The following KL variants were observed in gnomAD, a reference collection of about 807,000 sequenced individuals.
KL encodes alpha-klotho.
In KL, 62 loss-of-function variants were observed where a neutral mutation model predicts 84.2. That is an observed-to-expected ratio of 0.74 (90% CI 0.60 to 0.91). The LOEUF (loss-of-function observed/expected upper bound fraction) is 0.91, where lower values mean the gene tolerates loss of function less well. KL is among the 40% of genes least tolerant of loss of function. KL has a pLI of 0.00. For synonymous variants in KL, 528 were observed against 528.0 expected (o/e 1.00, Z 0.00); for missense variants, 1,261 against 1,305.7 (o/e 0.97, Z 0.53).
intron 1 of KL, among the ~76,000 whole-genome samples, chr13:33,039,832 C>T (rs1300623067): frequency 6.6e-6 from 1 of 152,074 alleles, no homozygotes; most frequent in Non-Finnish European, 1.5e-5. Flanking sequence ...CTGGCTGTAG[C>T]AAAACAGCTA....
At chr13:33,049,117 G>T (rs187301022) in intron 1 of KL, among the ~76,000 whole-genome samples, 94 of 152,194 alleles carry the variant, frequency 6.2e-4, no homozygotes, top group Middle Eastern at 6.8e-3. Flanking sequence ...GAGATAATAT[G>T]GTATTATTCT....
intron 1 of KL, among the ~76,000 whole-genome samples, chr13:33,031,557 A>G (rs904317709): frequency 5.3e-5 from 8 of 152,256 alleles, no homozygotes; most frequent in African/African-American, 1.9e-4. Context: ...CTCTAAAATG[A>G]ACATTTATAT....
chr13:33,017,683 C>T (rs1307933284), intron 1 of KL, among the ~76,000 whole-genome samples: 1 of 152,188 alleles, frequency 6.6e-6, no homozygotes, highest in African/African-American at 2.4e-5. Flanking sequence ...GTCACGAGTT[C>T]AGTGTTAATC....
At chr13:33,018,809 T>C (rs1170988064) in intron 1 of KL, among the ~76,000 whole-genome samples, 1 of 152,236 alleles carries the variant, frequency 6.6e-6, no homozygotes, top group Non-Finnish European at 1.5e-5. Flanking sequence ...ATTTAAATCC[T>C]ACAAGTTCTA....
chr13:33,020,672 C>T (rs1295848491), intron 1 of KL, among the ~76,000 whole-genome samples: 2 of 152,182 alleles, frequency 1.3e-5, no homozygotes, highest in Non-Finnish European at 2.9e-5. Context: ...ATCAACAAAT[C>T]CTGCAGCTCT....
At chr13:33,041,427 G>T (rs953070288) in intron 1 of KL, among the ~76,000 whole-genome samples, 1 of 140,468 alleles carries the variant, frequency 7.1e-6, no homozygotes, top group Non-Finnish European at 1.6e-5. Flanking sequence ...CAATTACTTT[G>T]GCACCAACCT....
Position 33,060,796 on chromosome 13 carries a change from G to A in KL, c.1717G>A (p.Val573Ile), listed in dbSNP as rs141740219. 3.1e-6 allele frequency: 5 copies of A among 1,614,086 alleles called. No homozygotes were observed. Among genetic ancestry groups the A allele is most frequent in the Non-Finnish European group, 4.2e-6 (5 of 1,180,060 alleles). Residue 573 changes from valine (V) to isoleucine (I), a missense_variant, in exon 4 of 5, where the codon GTT becomes ATT. Coordinates refer to ENST00000380099, the MANE Select transcript of KL (RefSeq NM_004795.4). ...GACCAAGAAGAGGAAATCCTACTGT[G>A]TTGACTTTGCTGCCATCCAGCCCCA... ...VVTKKRKSYCVDFAAIQPQIA... is the reference protein window; with the variant it reads ...VVTKKRKSYCIDFAAIQPQIA...
At chr13:33,033,568 A>G (rs1015143990) in intron 1 of KL, among the ~76,000 whole-genome samples, 1 of 152,050 alleles carries the variant, frequency 6.6e-6, no homozygotes, top group Non-Finnish European at 1.5e-5. Context: ...GGTTCTTCCC[A>G]ACCTGCCCTA....
In KL at chr13:33,043,037, T is replaced by TG. The variant is rs1871395005; in HGVS notation, c.820-10724dup. On this transcript the variant is annotated intron_variant, in intron 1 of 4. Coordinates refer to ENST00000380099, the MANE Select transcript of KL (RefSeq NM_004795.4). ...TTATCTTAATATTGTACAAGTCTTT[T>TG]GGGGGGCTTATGTTGTCATTTCTCT... Among the ~76,000 whole-genome samples the TG allele has an allele frequency of 5.3e-5, 8 of 152,074 alleles. 1 individual carries two copies. In the South Asian group the frequency reaches 1.7e-3, roughly 32 times the overall value.
At chr13:33,018,681 G>A (rs1011571129) in intron 1 of KL, among the ~76,000 whole-genome samples, 1 of 152,128 alleles carries the variant, frequency 6.6e-6, no homozygotes, top group South Asian at 2.1e-4. Flanking sequence ...AAAAACTATG[G>A]GAAGAATGGT....
intron 1 of KL, among the ~76,000 whole-genome samples, chr13:33,046,207 A>G (rs1871523619): frequency 6.6e-6 from 1 of 152,242 alleles, no homozygotes; most frequent in Admixed American, 6.5e-5. Flanking sequence ...AAGAGCTTGA[A>G]AAGAGTCGTG....
rs577475595 is a variant in KL, at chr13:33,043,803, C to T, written c.820-9964C>T. Among the ~76,000 whole-genome samples the T allele has an allele frequency of 2.3e-4, 35 of 152,166 alleles. No individual in the cohort carries two copies. In the South Asian group the frequency reaches 4.6e-3, roughly 20 times the overall value. ...AAACAAAAACTGATAAATTGGACGA[C>T]GTCAAAATTAAAACCTGCTCATCAA... On this transcript the variant is annotated intron_variant, in intron 1 of 4. Transcript: ENST00000380099.
chr13:33,050,715 C>CA (rs1871710249), intron 1 of KL, among the ~76,000 whole-genome samples: 1 of 152,152 alleles, frequency 6.6e-6, no homozygotes, highest in Non-Finnish European at 1.5e-5. Flanking sequence ...AAAGAGTAAT[C>CA]AAATAAGTTT....
At chr13:33,034,562 G>T (rs1420977214) in intron 1 of KL, among the ~76,000 whole-genome samples, 1 of 151,948 alleles carries the variant, frequency 6.6e-6, no homozygotes, top group Non-Finnish European at 1.5e-5. Context: ...TAAATAAAAT[G>T]TATCTCCTCT....
Position 33,053,836 on chromosome 13 carries a change from G to T in KL, c.889G>T (p.Ala297Ser), listed in dbSNP as rs753320325. Residue 297 changes from alanine (A) to serine (S), a missense_variant, in exon 2 of 5, where the codon GCC becomes TCC. Physicochemically the swap from Ala to Ser is moderately conservative, Grantham distance 99 (BLOSUM62 1). Coordinates refer to ENST00000380099, the MANE Select transcript of KL (RefSeq NM_004795.4). Reference protein sequence around the residue: ...RPTQGGQVSIALSSHWINPRR... With the variant: ...RPTQGGQVSISLSSHWINPRR... Reference sequence around the variant, plus strand: ...CACTCAGGGAGGTCAGGTGTCCATTGCCCTAAGCTCTCACTGGATCAATCC... The same window carrying T: ...CACTCAGGGAGGTCAGGTGTCCATTTCCCTAAGCTCTCACTGGATCAATCC... The T allele has an allele frequency of 4.3e-6, 7 of 1,613,978 alleles. No individual in the cohort carries two copies. The highest frequency in any genetic ancestry group is 5.9e-6 in the Non-Finnish European group (7 of 1,179,938).
chr13:33,040,053 C>A (rs1871282552), intron 1 of KL, among the ~76,000 whole-genome samples: 1 of 152,196 alleles, frequency 6.6e-6, no homozygotes, highest in Non-Finnish European at 1.5e-5. Context: ...AGCCCCCTTG[C>A]ATTGGTTAAA....
intron 4 of KL, among the ~76,000 whole-genome samples, chr13:33,063,205 G>C (rs183053525): frequency 2.6e-5 from 4 of 151,560 alleles, no homozygotes; most frequent in Non-Finnish European, 4.4e-5. Context: ...GCCAGTGAAG[G>C]TTAAGTTTCA....
chr13:33,022,273 G>A (rs1387192913), intron 1 of KL, among the ~76,000 whole-genome samples: 1 of 152,152 alleles, frequency 6.6e-6, no homozygotes, highest in African/African-American at 2.4e-5. Flanking sequence ...GCACATAGAA[G>A]CCTTCTGAAT....
intron 1 of KL, among the ~76,000 whole-genome samples, chr13:33,052,698 T>C (rs972245991): frequency 2.0e-5 from 3 of 152,192 alleles, no homozygotes; most frequent in Non-Finnish European, 4.4e-5. Flanking sequence ...TTTGGCTTAA[T>C]GAACAAAGGA....
Sources: gnomAD v4.1 joint callset for allele counts (sites outside exome capture counted in the v4.1 genomes callset) on GRCh38, gnomAD v4.1.1 for gene constraint, MANE v1.5 for transcripts, NCBI Gene and HGNC (gene_info 2026-07-23, HGNC 2026-07-21) for gene names.